LAMA1: variants seen among roughly 807,000 people sequenced by gnomAD.
LAMA1 encodes the protein laminin subunit alpha-1.
A neutral mutation model predicts 348.7 loss-of-function variants in LAMA1; 219 were observed. The observed-to-expected ratio is 0.63, with a 90% CI of 0.56 to 0.70. The LOEUF (loss-of-function observed/expected upper bound fraction) is 0.70. Among genes scored for constraint, LAMA1 ranks in the 30% least tolerant of loss-of-function variants. LAMA1 has a pLI of 0.00. For missense variants in LAMA1, 3,744 were observed against 3,888.0 expected, an observed-to-expected ratio of 0.96 and a Z score of 0.99; for synonymous variants, 1,487 against 1,491.0, an observed-to-expected ratio of 1.00 and a Z score of 0.06.
At position 7,023,350 on chromosome 18, in the gene LAMA1, G is replaced by A. The variant is rs143031283; in HGVS notation, c.2515C>T (p.Pro839Ser). ...ERCADGYYGN[P>S]TVPGESCVPC... ...ACACAAGATTCGCCAGGCACTGTTG[G>A]GTTTCCATAGTAACCATCTGCACAT... is the stretch of plus-strand genomic sequence containing the variant. The change falls in exon 19 of 63, where the codon CCA becomes TCA. Residue 839 changes from proline to serine, a missense_variant. Coordinates refer to ENST00000389658, the MANE Select transcript of LAMA1 (RefSeq NM_005559.4). 1,336 of 1,614,124 alleles carry A rather than the reference G, an allele frequency of 8.3e-4. No homozygotes were observed. The highest frequency in any genetic ancestry group is 1.0e-3 in the Non-Finnish European group (1,210 of 1,180,030).
chr18:7,112,164 G>C (rs924349696), intron 1 of LAMA1, among the ~76,000 whole-genome samples: 5 of 152,096 alleles, frequency 3.3e-5, no homozygotes, highest in Non-Finnish European at 5.9e-5. Context: ...AATCAATCAA[G>C]TTTTTAAACC....
At position 7,082,642 on chromosome 18, in the gene LAMA1, C is replaced by T. The variant is rs2058197617; in HGVS notation, c.62-2185G>A. 2.0e-5 allele frequency among the ~76,000 whole-genome samples: 3 copies of T among 152,216 alleles called. No individual in the cohort carries two copies. In the South Asian group the frequency reaches 6.2e-4, roughly 32 times the overall value. On this transcript the variant is annotated intron_variant, in intron 1 of 62. Transcript: ENST00000389658. ...TTCAGGTATTCTGATTCAAATTTCTCTTATCAGCTAATCATTTTAAATAAA... is the reference window on the plus strand; with the variant it reads ...TTCAGGTATTCTGATTCAAATTTCTTTTATCAGCTAATCATTTTAAATAAA...
chr18:6,976,618 A>G (rs1415919204), intron 44 of LAMA1, among the ~76,000 whole-genome samples: 2 of 149,744 alleles, frequency 1.3e-5, no homozygotes, highest in African/African-American at 5.0e-5. Context: ...TTATTTATTT[A>G]TTTATTTATT....
Position 7,043,241 on chromosome 18 carries a change from A to C in LAMA1, c.1141T>G (p.Tyr381Asp), listed in dbSNP as rs2058028047. ...AATACTCTTACTTTGTGTGGTCTATAATATCCATCAATACAGGTTTCACAG... is the reference window on the plus strand; with the variant it reads ...AATACTCTTACTTTGTGTGGTCTATCATATCCATCAATACAGGTTTCACAG... ...INCETCIDGYYRPHKVSPYED... is the reference protein window; with the variant it reads ...INCETCIDGYDRPHKVSPYED... Residue 381 changes from tyrosine (Y) to aspartate (D), a missense_variant, in exon 8 of 63, where the codon TAT becomes GAT. Tyr to Asp is a radical substitution (Grantham distance 160, BLOSUM62 -3). Around this residue, in one of 3 missense-constraint regions of LAMA1, gnomAD observed 1,529 missense variants for 1,689.4 expected, o/e 0.91. Transcript: ENST00000389658. 1.9e-6 allele frequency: 3 copies of C among 1,614,038 alleles called. No homozygotes were observed.
chr18:6,993,675 G>A lies in LAMA1; in HGVS notation c.4974C>T (p.Ala1658=), dbSNP rs768551852. 1.2e-6 allele frequency: 2 copies of A among 1,613,836 alleles called. No homozygotes were observed. Among genetic ancestry groups the A allele is most frequent in the Non-Finnish European group, 8.5e-7 (1 of 1,179,822 alleles). ...TCATCTGCAGCCTCTCAATGGCTAT[G>A]GCCAGGTCTTGACTCTCCTTGAAGA... The part of the protein sequence containing the change: ...ERIFKESQDL[A]IAIERLQMSI... Residue 1658 remains alanine, a synonymous_variant, in exon 35 of 63, where the codon GCC becomes GCT. Transcript: ENST00000389658.
intron 33 of LAMA1, among the ~76,000 whole-genome samples, chr18:6,997,055 C>CTCCTTT (rs1338379829): frequency 3.5e-5 from 5 of 141,406 alleles, no homozygotes; most frequent in South Asian, 2.1e-4. Flanking sequence ...TGCTTTTCTT[C>CTCCTTT]TCTTTTTCTT....
chr18:6,946,179 C>CG (rs1193279599), intron 61 of LAMA1, among the ~76,000 whole-genome samples: 1 of 151,984 alleles, frequency 6.6e-6, no homozygotes, highest in Non-Finnish European at 1.5e-5. Context: ...CAGAGTAATA[C>CG]GCCACCACAA....
rs2057610262 is a variant in LAMA1, at chr18:6,961,990, G to T, written c.7407C>A (p.Asp2469Glu). 1 of 1,614,102 alleles carries T rather than the reference G, an allele frequency of 6.2e-7. No individual in the cohort carries two copies. Among genetic ancestry groups the T allele is most frequent in the African/African-American group, 1.3e-5 (1 of 74,932 alleles). The change falls in exon 52 of 63, where the codon GAC becomes GAA. Residue 2469 changes from aspartate (D) to glutamate (E), a missense_variant. Coordinates refer to ENST00000389658, the MANE Select transcript of LAMA1 (RefSeq NM_005559.4). Reference sequence around the variant, plus strand: ...TCACTCCATAGGAATTTCTGAGTAAGTCAAAGGTTGATCTGGATATTTCCA... The same window carrying T: ...TCACTCCATAGGAATTTCTGAGTAATTCAAAGGTTGATCTGGATATTTCCA... The part of the protein sequence containing the change: ...KNLEISRSTF[D>E]LLRNSYGVRK...
Position 6,996,005 on chromosome 18 carries a change from G to C in LAMA1, c.4807-559C>G, listed in dbSNP as rs961641487. Among the ~76,000 whole-genome samples, 15 of 152,076 alleles carry C rather than the reference G, an allele frequency of 9.9e-5. No individual in the cohort carries two copies. The South Asian group carries it at 1.9e-3, about 19-fold the overall frequency. Reference sequence around the variant, plus strand: ...TTATTTAGAGCAAATCATTCAAAATGAGTTAAAATTTAAATCAAATATTTG... The same window carrying C: ...TTATTTAGAGCAAATCATTCAAAATCAGTTAAAATTTAAATCAAATATTTG... On this transcript the variant is annotated intron_variant, in intron 33 of 62. Coordinates refer to ENST00000389658, the MANE Select transcript of LAMA1 (RefSeq NM_005559.4).
intron 57 of LAMA1, among the ~76,000 whole-genome samples, chr18:6,951,739 C>T (rs916485010): frequency 1.3e-5 from 2 of 152,052 alleles, no homozygotes; most frequent in Non-Finnish European, 2.9e-5. Flanking sequence ...ACCAGGGTGG[C>T]GGTGGGGACT....
At chr18:7,075,351 G>A (rs969347335) in intron 3 of LAMA1, among the ~76,000 whole-genome samples, 11 of 152,190 alleles carry the variant, frequency 7.2e-5, no homozygotes, top group African/African-American at 1.9e-4. Flanking sequence ...GGTCAGGCGC[G>A]GTGGCTCACA....
At chr18:7,044,553 C>T (rs1598295187) in intron 7 of LAMA1, among the ~76,000 whole-genome samples, 169 bp downstream of exon 7, 1 of 152,232 alleles carries the variant, frequency 6.6e-6, no homozygotes, top group African/African-American at 2.4e-5. Flanking sequence ...CATAAAGATA[C>T]ATTTAGGCCA....
chr18:7,075,535 T>C (rs1432081840), intron 3 of LAMA1, among the ~76,000 whole-genome samples: 1 of 151,900 alleles, frequency 6.6e-6, no homozygotes, highest in Non-Finnish European at 1.5e-5. Flanking sequence ...GGCAGGAGAA[T>C]CGCTTGAACC....
At chr18:7,085,070 A>G (rs2058209222) in intron 1 of LAMA1, among the ~76,000 whole-genome samples, 1 of 152,016 alleles carries the variant, frequency 6.6e-6, no homozygotes, top group African/African-American at 2.4e-5. Context: ...AAAATGTTGT[A>G]TTTGCTTGAT....
intron 16 of LAMA1, among the ~76,000 whole-genome samples, chr18:7,029,495 A>C (rs2057958826): frequency 1.3e-5 from 2 of 152,196 alleles, no homozygotes; most frequent in African/African-American, 4.8e-5. Flanking sequence ...TCTTTGATCA[A>C]GGAGTCAGAT....
chr18:7,059,871 A>C (rs943410921), intron 3 of LAMA1, among the ~76,000 whole-genome samples: 2 of 152,256 alleles, frequency 1.3e-5, no homozygotes, highest in African/African-American at 4.8e-5. Context: ...TTTGATAAAT[A>C]ATATTGCTGA....
chr18:6,986,180 T>C lies in LAMA1; in HGVS notation c.5336A>G (p.Asn1779Ser), dbSNP rs780936027. Residue 1779 changes from asparagine (N) to serine (S), a missense_variant, in exon 37 of 63, where the codon AAC becomes AGC. Around this residue, in one of 3 missense-constraint regions of LAMA1, gnomAD observed 1,983 missense variants for 1,934.3 expected, o/e 1.03. Coordinates refer to ENST00000389658, the MANE Select transcript of LAMA1 (RefSeq NM_005559.4). ...REAEAKMQES[N>S]HLLLMVNANL... ...AGCATTGACCATGAGCAGCAGGTGGTTGCTTTCCTGCATCTTTGCCTCAGC... is the reference window on the plus strand; with the variant it reads ...AGCATTGACCATGAGCAGCAGGTGGCTGCTTTCCTGCATCTTTGCCTCAGC... 1.2e-6 allele frequency: 2 copies of C among 1,614,216 alleles called. No individual in the cohort carries two copies. The highest frequency in any genetic ancestry group is 1.1e-5 in the South Asian group (1 of 91,076).
At chr18:7,028,129 G>C (rs1221093176) in intron 16 of LAMA1, among the ~76,000 whole-genome samples, 1 of 152,162 alleles carries the variant, frequency 6.6e-6, no homozygotes, top group Non-Finnish European at 1.5e-5. Context: ...GAAAAGACTA[G>C]TGAATTTGAA....
intron 1 of LAMA1, among the ~76,000 whole-genome samples, chr18:7,112,607 T>C (rs7231085): frequency 0.44 from 65,361 of 150,008 alleles, 16,293 homozygotes; most frequent in South Asian, 0.63. Context: ...TATATATATA[T>C]ACACACATAT....
Sources: gnomAD v4.1 joint callset for allele counts (sites outside exome capture counted in the v4.1 genomes callset) on GRCh38, gnomAD v4.1.1 for gene constraint, gnomAD v4.1.1 regional missense constraint, MANE v1.5 for transcripts, NCBI Gene and HGNC (gene_info 2026-07-23, HGNC 2026-07-21) for gene names.